CSF2RA: variants seen among roughly 807,000 people sequenced by gnomAD.
The protein encoded by CSF2RA is granulocyte-macrophage colony-stimulating factor receptor subunit alpha.
A neutral mutation model predicts 51.6 loss-of-function variants in CSF2RA; 42 were observed. The observed-to-expected ratio is 0.81, with a 90% confidence interval of 0.64 to 1.05. CSF2RA has a LOEUF of 1.05. Among genes scored for constraint, CSF2RA ranks in the 50% least tolerant of loss-of-function variants. CSF2RA has a pLI of 0.00. For missense variants in CSF2RA, 530 were observed against 501.1 expected (o/e 1.06, Z -0.55); for synonymous variants, 222 against 193.0 (o/e 1.15, Z -1.24).
At chrX:1,271,999 G>C (rs1368682100) in intron 1 of CSF2RA, among the ~76,000 whole-genome samples, 1 of 150,902 alleles carries the variant, frequency 6.6e-6, no homozygotes, top group African/African-American at 2.4e-5. Context: ...TGTCACCGAG[G>C]CTGGAGTGCA....
intron 4 of CSF2RA, among the ~76,000 whole-genome samples, chrX:1,288,166 C>T (rs757406571): frequency 4.0e-5 from 6 of 151,686 alleles, no homozygotes; most frequent in Admixed American, 6.6e-5. Flanking sequence ...GAGGCAGGTG[C>T]GTGTCGCCAA....
At chrX:1,303,560 G>C (rs2083233913) in intron 10 of CSF2RA, among the ~76,000 whole-genome samples, 1 of 151,890 alleles carries the variant, frequency 6.6e-6, no homozygotes. Flanking sequence ...ATTTTTGGTA[G>C]AGACGGGGTT....
At chrX:1,298,820 G>A (rs1162279992) in intron 9 of CSF2RA, among the ~76,000 whole-genome samples, 1 of 152,026 alleles carries the variant, frequency 6.6e-6, no homozygotes, top group Non-Finnish European at 1.5e-5. Flanking sequence ...GTGATCAGGA[G>A]GAGACCCCAC....
chrX:1,319,881 ATTTG>A, the CSF2RA span, among the ~76,000 whole-genome samples: 31,064 of 147,330 alleles, frequency 0.21, 4,616 homozygotes, highest in Admixed American at 0.26. Context: ...CGCCTGGCTA[ATTTG>A]TTTGTTTGTT....
At chrX:1,323,747 G>A in the CSF2RA span, among the ~76,000 whole-genome samples, 1 of 152,016 alleles carries the variant, frequency 6.6e-6, no homozygotes, top group South Asian at 2.1e-4. Flanking sequence ...GGGCGCAGTG[G>A]CTCACGCCTG....
intron 4 of CSF2RA, among the ~76,000 whole-genome samples, chrX:1,286,838 A>C (rs1188668167): frequency 1.3e-5 from 2 of 152,078 alleles, no homozygotes; most frequent in Non-Finnish European, 2.9e-5. Context: ...GACGGAGAAA[A>C]GTAAAGTGTC....
At chrX:1,291,278 T>C (rs1424713260) in intron 7 of CSF2RA, among the ~76,000 whole-genome samples, 10 of 56,906 alleles carry the variant, frequency 1.8e-4, no homozygotes, top group African/African-American at 4.3e-4. Context: ...CTTTCTTCTT[T>C]TTTCTTCCTT....
chrX:1,317,050 C>CATTCT, the CSF2RA span, among the ~76,000 whole-genome samples: 1 of 150,446 alleles, frequency 6.6e-6, no homozygotes, highest in Non-Finnish European at 1.5e-5. Context: ...GGGTTCACGC[C>CATTCT]ATTCTCCTGC....
chrX:1,322,056 T>A, the CSF2RA span, among the ~76,000 whole-genome samples: 1 of 151,990 alleles, frequency 6.6e-6, no homozygotes, highest in African/African-American at 2.4e-5. Flanking sequence ...CATTGCTTGA[T>A]CCCAGGATTT....
the CSF2RA span, among the ~76,000 whole-genome samples, chrX:1,316,460 C>G: frequency 2.0e-5 from 3 of 152,138 alleles, no homozygotes; most frequent in African/African-American, 7.2e-5. Context: ...AGCAAAGATA[C>G]TACCAGGGGC....
At chrX:1,301,912 CTT>C (rs1158872719) in intron 10 of CSF2RA, among the ~76,000 whole-genome samples, 2,592 of 103,562 alleles carry the variant, frequency 0.025, 90 homozygotes, top group African/African-American at 0.092. Context: ...GGCCCTCCCT[CTT>C]TTTTTTTTTT....
Position 1,304,007 on chromosome X carries a change from T to G in CSF2RA, c.1031T>G (p.Phe344Cys). The G allele has an allele frequency of 6.2e-7, 1 of 1,612,650 alleles. No individual in the cohort carries two copies. Among genetic ancestry groups the G allele is most frequent in the Non-Finnish European group, 8.5e-7 (1 of 1,179,644 alleles). ...GTLVCGIVLG[F>C]LFKRFLRIQR... ...CTTGTCTGTGGCATCGTCCTCGGCT[T>G]CCTCTTTAAAAGGTAACCTGTGAAA... The change falls in exon 11 of 13, where the codon TTC becomes TGC. Residue 344 changes from phenylalanine (F) to cysteine (C), a missense_variant. Phe to Cys is a radical substitution (Grantham distance 205). Coordinates refer to ENST00000381529, the MANE Select transcript of CSF2RA (RefSeq NM_172245.4).
chrX:1,317,371 C>T, the CSF2RA span, among the ~76,000 whole-genome samples: 1 of 148,046 alleles, frequency 6.8e-6, no homozygotes, highest in Non-Finnish European at 1.5e-5. Flanking sequence ...CCCGCCTCAG[C>T]CTCCCGAGTA....
At chrX:1,288,934 G>A (rs369236541) in intron 6 of CSF2RA, 46 bp downstream of exon 6, 8 of 1,610,516 alleles carry the variant, frequency 5.0e-6, no homozygotes, top group African/African-American at 1.3e-5. Flanking sequence ...TGCAGGGATG[G>A]GAGAAAAAAT....
At chrX:1,302,757 G>C (rs1191344399) in intron 10 of CSF2RA, 1 of 309,840 alleles carries the variant, frequency 3.2e-6, no homozygotes, top group African/African-American at 2.3e-5. Context: ...TCAATGGCAC[G>C]ATCTTGGCTC....
At chrX:1,305,127 G>T (rs767605895) in intron 11 of CSF2RA, among the ~76,000 whole-genome samples, 27 of 151,050 alleles carry the variant, frequency 1.8e-4, no homozygotes, top group African/African-American at 5.8e-4. Flanking sequence ...CTGAATAGCT[G>T]GGATTACAGG....
chrX:1,317,213 G>T, the CSF2RA span, among the ~76,000 whole-genome samples: 2 of 140,044 alleles, frequency 1.4e-5, no homozygotes, highest in African/African-American at 5.3e-5. Context: ...CTCCCAAAGT[G>T]CTGGGATGAC....
chrX:1,298,519 G>A (rs1428482174), intron 9 of CSF2RA, among the ~76,000 whole-genome samples: 9 of 106,976 alleles, frequency 8.4e-5, no homozygotes, highest in African/African-American at 1.2e-4. Context: ...TTCAGGAGCC[G>A]TAGTGTGACC....
downstream of CSF2RA, among the ~76,000 whole-genome samples, chrX:1,312,179 T>G (rs1468682779): frequency 4.6e-5 from 7 of 152,070 alleles, no homozygotes; most frequent in African/African-American, 1.7e-4. Context: ...CCACAGGTGA[T>G]CCACCTGCCT....
Sources: allele counts gnomAD v4.1 joint callset (sites outside exome capture counted in the v4.1 genomes callset), GRCh38; gene constraint gnomAD v4.1.1; transcripts MANE v1.5; gene names NCBI Gene and HGNC (gene_info 2026-07-23, HGNC 2026-07-21).